FRMPD4: variants seen among roughly 807,000 people sequenced by gnomAD.
The protein encoded by FRMPD4 is FERM and PDZ domain containing 4, also known as FERM and PDZ domain-containing protein 4.
FRMPD4 carries 22 observed loss-of-function variants against 94.1 expected under a neutral mutation model. The ratio of observed to expected loss-of-function variants is 0.23; its 90% CI spans 0.17 to 0.33. The LOEUF is 0.33. Among genes scored for constraint, FRMPD4 ranks in the 10% least tolerant of loss-of-function variants. FRMPD4 has a pLI of 1.00. For missense variants in FRMPD4, 1,111 were observed against 1,339.9 expected, an observed-to-expected ratio of 0.83 and a Z score of 2.67; for synonymous variants, 631 against 548.6, an observed-to-expected ratio of 1.15 and a Z score of -2.10.
chrX:12,152,474 G>T (rs2055867354), intron 1 of FRMPD4, among the ~76,000 whole-genome samples: 1 of 110,943 alleles, frequency 9.0e-6, no homozygotes, highest in Non-Finnish European at 1.9e-5. Flanking sequence ...TATCAGAATG[G>T]GGGGGTAATG....
At chrX:12,231,021 A>G (rs2056991129) in intron 1 of FRMPD4, among the ~76,000 whole-genome samples, 1 of 51,809 alleles carries the variant, frequency 1.9e-5, no homozygotes, top group African/African-American at 7.4e-5. Context: ...TATATATAGT[A>G]TATATATAGT....
chrX:12,616,051 T>C (rs142726552), intron 4 of FRMPD4, among the ~76,000 whole-genome samples: 2,829 of 110,842 alleles, frequency 0.026, 45 homozygotes, highest in Non-Finnish European at 0.039. Flanking sequence ...AGTTTTAGCA[T>C]GTAAAAGGCC....
At chrX:12,292,065 G>A (rs2054698718) in intron 1 of FRMPD4, among the ~76,000 whole-genome samples, 1 of 111,624 alleles carries the variant, frequency 9.0e-6, no homozygotes, top group Non-Finnish European at 1.9e-5. Context: ...TGAACAAGTT[G>A]GATTTACTGC....
At chrX:12,407,315 C>T (rs765769686) in intron 1 of FRMPD4, among the ~76,000 whole-genome samples, 5 of 112,079 alleles carry the variant, frequency 4.5e-5, no homozygotes, top group Admixed American at 9.5e-5. Context: ...GTGCTTGATG[C>T]TGGAACTGGT....
At chrX:12,377,696 A>G (rs1295093644) in intron 1 of FRMPD4, among the ~76,000 whole-genome samples, 1 of 112,554 alleles carries the variant, frequency 8.9e-6, no homozygotes, top group Non-Finnish European at 1.9e-5. Context: ...ACAGACAATC[A>G]CAACGTTTCA....
rs58794898 is a variant in FRMPD4, at chrX:12,305,725, G to GT, written c.41+166735dup. Among the ~76,000 whole-genome samples, 97 of 59,680 alleles carry GT rather than the reference G, an allele frequency of 1.6e-3. 1 individual carries two copies. The highest frequency in any genetic ancestry group is 2.5e-3 in the South Asian group (2 of 790). The allele number at this position is 59,680 out of a possible 115,157, so 51.8% of individuals were successfully genotyped here. On this transcript the variant is annotated intron_variant, in intron 1 of 16. Coordinates refer to ENST00000675598, the MANE Select transcript of FRMPD4 (RefSeq NM_001368397.1). Reference sequence around the variant, plus strand: ...GGCATGTACCACCACAGCTGGCTAAGTTTTTTTTTTTTTTTTTTTTTTACA... The same window carrying GT: ...GGCATGTACCACCACAGCTGGCTAAGTTTTTTTTTTTTTTTTTTTTTTTACA...
At chrX:12,618,402 T>G (rs769656463) in intron 4 of FRMPD4, among the ~76,000 whole-genome samples, 78 of 111,548 alleles carry the variant, frequency 7.0e-4, no homozygotes, top group African/African-American at 2.4e-3. Flanking sequence ...AGGAGAAGAA[T>G]TCTAATTAAT....
chrX:12,299,254 T>C (rs867780646), intron 1 of FRMPD4, among the ~76,000 whole-genome samples: 118 of 108,560 alleles, frequency 1.1e-3, no homozygotes, highest in African/African-American at 3.8e-3. Flanking sequence ...TAACTTTCTC[T>C]GAAGTAAAGA....
At chrX:12,201,421 G>A (rs17328065) in intron 1 of FRMPD4, among the ~76,000 whole-genome samples, 22,322 of 111,073 alleles carry the variant, frequency 0.2, 1,639 homozygotes, top group South Asian at 0.29. Context: ...GATTACTAGG[G>A]TGAGAATAGG....
At chrX:11,883,762 A>G (rs1408629815) in intron 3 of FRMPD4, among the ~76,000 whole-genome samples, 1 of 112,266 alleles carries the variant, frequency 8.9e-6, no homozygotes, top group Non-Finnish European at 1.9e-5. Flanking sequence ...TCCAAAGGGC[A>G]TATGGTTTGA....
chrX:12,450,421 A>G (rs901472557), intron 1 of FRMPD4, among the ~76,000 whole-genome samples: 9 of 111,652 alleles, frequency 8.1e-5, no homozygotes, highest in African/African-American at 2.9e-4. Context: ...AGTTCATCTC[A>G]TGTTGTAAGG....
At chrX:12,714,903 T>C (rs1362298652) in intron 14 of FRMPD4, among the ~76,000 whole-genome samples, 1 of 112,604 alleles carries the variant, frequency 8.9e-6, no homozygotes, top group Non-Finnish European at 1.9e-5. Flanking sequence ...ATATCTCTTA[T>C]TGTTCATGAA....
At chrX:12,718,828 C>CTCTTGGCATGT in intron 16 of FRMPD4, 38 bp downstream of exon 16, 3 of 839,630 alleles carry the variant, frequency 3.6e-6, no homozygotes, top group Non-Finnish European at 5.2e-6. Flanking sequence ...GTATGACATG[C>CTCTTGGCATGT]CAAGAGCATG....
At chrX:11,846,508 T>G (rs7889751) in intron 1 of FRMPD4, among the ~76,000 whole-genome samples, 2,784 of 104,788 alleles carry the variant, frequency 0.027, 66 homozygotes, top group Middle Eastern at 0.083. Flanking sequence ...AATGACTTTC[T>G]TCACAGAATT....
At chrX:11,956,961 C>A (rs2054260429) in intron 3 of FRMPD4, among the ~76,000 whole-genome samples, 1 of 111,859 alleles carries the variant, frequency 8.9e-6, no homozygotes. Flanking sequence ...CACTTGTTTA[C>A]ACTGAGAAAT....
chrX:12,488,243 G>A (rs2057758068), intron 1 of FRMPD4, among the ~76,000 whole-genome samples: 1 of 112,046 alleles, frequency 8.9e-6, no homozygotes, highest in South Asian at 3.8e-4. Context: ...TTAGCTTGGA[G>A]AACTACCAGC....
chrX:11,942,506 C>G (rs770515020), intron 3 of FRMPD4, among the ~76,000 whole-genome samples: 3 of 111,339 alleles, frequency 2.7e-5, no homozygotes, highest in African/African-American at 6.5e-5. Context: ...TTAAGGGTGA[C>G]GTAGTAACCT....
intron 4 of FRMPD4, among the ~76,000 whole-genome samples, chrX:12,623,191 AAAGAAAGAAAGAAAGGAAGG>A (rs1379413127): frequency 6.7e-4 from 6 of 8,933 alleles, no homozygotes; most frequent in African/African-American, 1.2e-3. Flanking sequence ...AGAAAGAAAG[AAAGAAAGAAAGAAAGGAAGG>A]AAGGAAGGAA....
At chrX:12,591,976 A>G (rs1602178378) in intron 2 of FRMPD4, among the ~76,000 whole-genome samples, 1 of 111,618 alleles carries the variant, frequency 9.0e-6, no homozygotes, top group African/African-American at 3.3e-5. Context: ...GAAGAGAGTC[A>G]TAGAAACCAG....
Sources: gnomAD v4.1 joint callset for allele counts (sites outside exome capture counted in the v4.1 genomes callset) on GRCh38, gnomAD v4.1.1 for gene constraint, MANE v1.5 for transcripts, NCBI Gene and HGNC (gene_info 2026-07-23, HGNC 2026-07-21) for gene names.